The following KCNH2 variants were observed in gnomAD, a reference collection of about 807,000 sequenced individuals.
The protein encoded by KCNH2 is voltage-gated inwardly rectifying potassium channel KCNH2.
In KCNH2, 35 loss-of-function variants were observed where a neutral mutation model predicts 95.9. That is an observed-to-expected ratio of 0.37 (90% CI 0.28 to 0.48). The LOEUF (loss-of-function observed/expected upper bound fraction) is 0.48, where lower values mean the gene tolerates loss of function less well. KCNH2 is among the 20% of genes least tolerant of loss of function. The pLI is 0.99. For missense variants in KCNH2, 1,274 were observed against 1,702.9 expected, an observed-to-expected ratio of 0.75 and a Z score of 4.43; for synonymous variants, 786 against 754.7, an observed-to-expected ratio of 1.04 and a Z score of -0.68.
intron 3 of KCNH2, 30 bp from the exon 4 acceptor site, chr7:150,958,532 G>T: frequency 6.8e-7 from 1 of 1,469,234 alleles, no homozygotes; most frequent in South Asian, 1.3e-5. Context: ...CGTGGTCGTG[G>T]GGATCGCGAG....
In KCNH2 at chr7:150,957,577, T is replaced by C. The variant is rs1801420051; in HGVS notation, c.917-75A>G. 6.5e-6 allele frequency: 7 copies of C among 1,082,702 alleles called. No individual in the cohort carries two copies. In the Admixed American group the frequency reaches 1.3e-4, roughly 20 times the overall value. The allele number at this position is 1,082,702 out of a possible 1,614,324, so 67.1% of individuals were successfully genotyped here. On this transcript the variant is annotated intron_variant, in intron 4 of 14. Coordinates refer to ENST00000262186, the MANE Select transcript of KCNH2 (RefSeq NM_000238.4). ...AGGCAGGCCACCCATAGATCGAGAGTGGAGACCAGGCCCTGCACAGTCAGG... is the reference window on the plus strand; with the variant it reads ...AGGCAGGCCACCCATAGATCGAGAGCGGAGACCAGGCCCTGCACAGTCAGG...
At chr7:150,976,760 G>A (rs1007854846) in intron 1 of KCNH2, among the ~76,000 whole-genome samples, 4 of 107,172 alleles carry the variant, frequency 3.7e-5, no homozygotes, top group African/African-American at 1.2e-4. Context: ...CAGCCTCCTC[G>A]TAGGCCCGCC....
rs1584840834 is a variant in KCNH2 at position 150,946,522 on chromosome 7, C to G, written c.3330+355G>C. On this transcript the variant is annotated intron_variant, in intron 14 of 14. Coordinates refer to ENST00000262186, the MANE Select transcript of KCNH2 (RefSeq NM_000238.4). This position sits in a 1 kb window ranked among gnomAD's most constrained non-coding sequence, Gnocchi z 6.5. ...CTCGGGCTCAGTCAGTTCTTGGAGACCACCCGTGGCCGTGAGACAGGCACC... is the reference window on the plus strand; with the variant it reads ...CTCGGGCTCAGTCAGTTCTTGGAGAGCACCCGTGGCCGTGAGACAGGCACC... 6.6e-6 allele frequency among the ~76,000 whole-genome samples: 1 copy of G among 152,192 alleles called. No individual in the cohort carries two copies. Among genetic ancestry groups the G allele is most frequent in the Non-Finnish European group, 1.5e-5 (1 of 68,034 alleles).
chr7:150,959,862 T>G (rs1801506725), intron 2 of KCNH2, 126 bp from the exon 3 acceptor site: 1 of 1,050,078 alleles, frequency 9.5e-7, no homozygotes, highest in African/African-American at 1.6e-5. Flanking sequence ...GCCCTTCCTC[T>G]CCGGGATCTC....
rs3815459 is a variant in KCNH2 at position 150,947,306 on chromosome 7, C to G, written c.3152+22G>C. The G allele has an allele frequency of 2.0e-4, 310 of 1,531,080 alleles. No homozygotes were observed. In the African/African-American group the frequency reaches 3.8e-3, roughly 19 times the overall value. The allele number at this position is 1,531,080 out of a possible 1,614,324, so 94.8% of individuals were successfully genotyped here. On this transcript the variant is annotated intron_variant, in intron 13 of 14. Transcript: ENST00000262186. Reference sequence around the variant, plus strand: ...GACCAGACTCCAGGGCGTGCCCCCCCACCCCACCTGCACTCCCTCACCTGT... The same window carrying G: ...GACCAGACTCCAGGGCGTGCCCCCCGACCCCACCTGCACTCCCTCACCTGT...
At chr7:150,977,686 C>T (rs1802010130) in intron 1 of KCNH2, 152 bp downstream of exon 1, 1 of 621,988 alleles carries the variant, frequency 1.6e-6, no homozygotes, top group Non-Finnish European at 2.7e-6. Flanking sequence ...GCCTTGCCCC[C>T]GCCGTCCCCT....
intron 9 of KCNH2, chr7:150,949,738 G>A: frequency 8.4e-7 from 1 of 1,187,494 alleles, no homozygotes; most frequent in South Asian, 1.6e-5. Flanking sequence ...AGGGTAGAAA[G>A]GAAGTGGGGG....
intron 2 of KCNH2, among the ~76,000 whole-genome samples, chr7:150,963,253 G>A (rs998088948): frequency 6.6e-6 from 1 of 152,196 alleles, no homozygotes; most frequent in Admixed American, 6.5e-5. Context: ...CAGGGGAGAG[G>A]GTTCCCAGTC....
At chr7:150,976,852 T>C (rs1801992456) in intron 1 of KCNH2, among the ~76,000 whole-genome samples, 1 of 148,526 alleles carries the variant, frequency 6.7e-6, no homozygotes, top group Non-Finnish European at 1.5e-5. Flanking sequence ...CAGGATCATC[T>C]TGTTCCTCCG....
intron 7 of KCNH2, 96 bp downstream of exon 7, chr7:150,951,352 G>GA (rs1801149039): frequency 7.4e-7 from 1 of 1,358,754 alleles, no homozygotes; most frequent in Non-Finnish European, 9.7e-7. Flanking sequence ...CTAAGTTCCA[G>GA]GGCCTCACTC....
At chr7:150,955,371 A>G in intron 5 of KCNH2, 1 of 1,548,880 alleles carries the variant, frequency 6.5e-7, no homozygotes, top group Non-Finnish European at 8.7e-7. Context: ...CCCAGAAAGA[A>G]GAGGAAGGAC....
rs1344872588 is a variant in KCNH2 at position 150,958,127 on chromosome 7, G to A, written c.848C>T (p.Ser283Leu). 3 of 1,301,896 alleles carry A rather than the reference G, an allele frequency of 2.3e-6. No individual in the cohort carries two copies. Among genetic ancestry groups the A allele is most frequent in the Non-Finnish European group, 1.9e-6 (2 of 1,029,538 alleles). 80.6% of individuals were successfully genotyped at this position (1,301,896 alleles called of 1,614,324 possible). A position where few individuals can be genotyped will look rare whatever the true frequency, so the allele number is the denominator to read the frequency against. The change falls in exon 4 of 15, where the codon TCG becomes TTG. Residue 283 changes from serine (S) to leucine (L), a missense_variant. Around this residue, in one of 7 missense-constraint regions of KCNH2, gnomAD observed 392 missense variants for 429.9 expected, o/e 0.91. Coordinates refer to ENST00000262186, the MANE Select transcript of KCNH2 (RefSeq NM_000238.4). ...CATGGCCTCGATGTCGTCGGCCGAC[G>A]AGGCGCGGCGCACGCTGGCGCAGCT... ...RESCASVRRASSADDIEAMRA... is the reference protein window; with the variant it reads ...RESCASVRRALSADDIEAMRA...
intron 2 of KCNH2, among the ~76,000 whole-genome samples, chr7:150,969,273 C>A (rs895743907): frequency 6.6e-6 from 1 of 152,202 alleles, no homozygotes; most frequent in African/African-American, 2.4e-5. Flanking sequence ...GGAATCCTGC[C>A]TTTCACAGGG....
At chr7:150,947,179 G>T in intron 13 of KCNH2, 125 bp from the exon 14 acceptor site, 2 of 1,106,422 alleles carry the variant, frequency 1.8e-6, no homozygotes, top group Non-Finnish European at 2.6e-6. Flanking sequence ...CGCGCTAGAG[G>T]TGTGGCAGCC....
At chr7:150,949,100 G>A in intron 9 of KCNH2, 51 bp from the exon 10 acceptor site, 1 of 1,530,226 alleles carries the variant, frequency 6.5e-7, no homozygotes, top group Non-Finnish European at 9.0e-7. Flanking sequence ...GCGGCATCCA[G>A]GCAGCAGGCA....
Position 150,947,402 on chromosome 7 carries a change from G to T in KCNH2, c.3078C>A (p.Pro1026=). ...PAPTPSLLNI[P]LSSPGRRPRG... The stretch of plus-strand genomic sequence containing the variant: ...GGGGCCGCCGACCCGGGCTGGAGAG[G>T]GGGATGTTGAGGAGGCTGGGGGTGG... The change falls in exon 13 of 15, where the codon CCC becomes CCA. Residue 1026 remains proline, a synonymous_variant. Transcript: ENST00000262186. 6.4e-7 allele frequency: 1 copy of T among 1,552,014 alleles called. No individual in the cohort carries two copies.
At chr7:150,964,296 C>G (rs1414238930) in intron 2 of KCNH2, among the ~76,000 whole-genome samples, 1 of 152,212 alleles carries the variant, frequency 6.6e-6, no homozygotes, top group East Asian at 1.9e-4. Flanking sequence ...TAAGCACATC[C>G]GTGCCTGCGA....
At position 150,957,522 on chromosome 7, in the gene KCNH2, G is replaced by C; in HGVS notation, c.917-20C>G. The C allele has an allele frequency of 6.6e-7, 1 of 1,504,898 alleles. No homozygotes were observed. The highest frequency in any genetic ancestry group is 1.2e-5 in the South Asian group (1 of 86,936). 93.2% of individuals were successfully genotyped at this position (1,504,898 alleles called of 1,614,324 possible). A position where few individuals can be genotyped will look rare whatever the true frequency, so the allele number is the denominator to read the frequency against. ...TGGCCCCTAGGTGGAGAGGCAGCGT[G>C]GTCAGGCCAGCAGCCCAGGGCCCCA... On this transcript the variant is annotated intron_variant, in intron 4 of 14. Coordinates refer to ENST00000262186, the MANE Select transcript of KCNH2 (RefSeq NM_000238.4).
Position 150,952,773 on chromosome 7 carries a change from G to A in KCNH2, c.1209C>T (p.Tyr403=), listed in dbSNP as rs777464179. ...PRIHRWTILH[Y]SPFKAVWDWL... ...AGTCCCACACGGCCTTGAAGGGGCT[G>A]TAATGCAGGATGGTCCAGCGGTGGA... The change falls in exon 6 of 15, where the codon TAC becomes TAT. Residue 403 remains tyrosine, a synonymous_variant. Transcript: ENST00000262186. The surrounding 1 kb of genome is among the most constrained non-coding windows in gnomAD (Gnocchi z 7.3). The A allele has an allele frequency of 3.7e-6, 6 of 1,614,184 alleles. No individual in the cohort carries two copies. The highest frequency in any genetic ancestry group is 2.2e-5 in the East Asian group (1 of 44,880).
Sources: allele counts gnomAD v4.1 joint callset (sites outside exome capture counted in the v4.1 genomes callset), GRCh38; gene constraint gnomAD v4.1.1; regional missense constraint gnomAD v4.1.1; non-coding constraint Gnocchi (gnomAD v3.1); transcripts MANE v1.5; gene names NCBI Gene and HGNC (gene_info 2026-07-23, HGNC 2026-07-21).